Variants in MXI1 observed in about 807,000 individuals in gnomAD.
The protein encoded by MXI1 is max-interacting protein 1.
In MXI1, 18 loss-of-function variants were observed where a neutral mutation model predicts 36.9. The ratio of observed to expected loss-of-function variants is 0.49; its 90% CI spans 0.34 to 0.72. The LOEUF (loss-of-function observed/expected upper bound fraction) is 0.72, where lower values mean the gene tolerates loss of function less well. MXI1 is among the 30% of genes least tolerant of loss of function. MXI1 has a pLI of 0.01. For synonymous variants in MXI1, 160 were observed against 146.7 expected, an observed-to-expected ratio of 1.09 and a Z score of -0.65; for missense variants, 304 against 379.1, an observed-to-expected ratio of 0.80 and a Z score of 1.64.
intron 1 of MXI1, among the ~76,000 whole-genome samples, chr10:110,216,665 G>GTTTTTTTTTTGTTTTTTTT (rs1854645560): frequency 2.4e-4 from 19 of 79,062 alleles, no homozygotes; most frequent in African/African-American, 1.5e-3. Flanking sequence ...TGTGTTTAAT[G>GTTTTTTTTTTGTTTTTTTT]TTTTTTTTTT....
intron 1 of MXI1, chr10:110,226,069 G>T (rs2134345621): frequency 9.7e-7 from 1 of 1,029,436 alleles, no homozygotes; most frequent in Non-Finnish European, 1.2e-6. Flanking sequence ...GGGCGGCGGA[G>T]AGCGCGCCGA....
chr10:110,220,845 C>T (rs1370026521), intron 1 of MXI1, among the ~76,000 whole-genome samples: 4 of 152,210 alleles, frequency 2.6e-5, no homozygotes, highest in Non-Finnish European at 2.9e-5. Context: ...AACAATAACA[C>T]ACCGTGGCTG....
At chr10:110,233,084 T>A (rs928202842) in intron 2 of MXI1, among the ~76,000 whole-genome samples, 1 of 152,164 alleles carries the variant, frequency 6.6e-6, no homozygotes, top group Non-Finnish European at 1.5e-5. Context: ...AATAGCCAAT[T>A]TATGCTTTAA....
At position 110,227,396 on chromosome 10, in the gene MXI1, G is replaced by A. The variant is rs1855086942; in HGVS notation, c.275-793G>A. 4.0e-6 allele frequency: 4 copies of A among 988,266 alleles called. No homozygotes were observed. The South Asian group carries it at 1.8e-4, about 43-fold the overall frequency. The allele number at this position is 988,266 out of a possible 1,614,324, so 61.2% of individuals were successfully genotyped here. On this transcript the variant is annotated intron_variant, in intron 1 of 5. Coordinates refer to ENST00000332674, the MANE Select transcript of MXI1 (RefSeq NM_130439.3). ...GTGAGAGGTCGCGCAGGTGCTGGGG[G>A]AGGTGCGAGGGTGCGCACGGAGGGT...
In MXI1 at chr10:110,211,869, C is replaced by CTGGA. The variant is rs1433713072; in HGVS notation, c.274+3788_274+3789insGGAT. On this transcript the variant is annotated intron_variant, in intron 1 of 5. Transcript: ENST00000332674. ...AATATTAATCATGAAGGCTGTGATC[C>CTGGA]TATTACCACAAATTCAGAAATTATA... Among the ~76,000 whole-genome samples the CTGGA allele has an allele frequency of 5.3e-5, 8 of 152,328 alleles. No individual in the cohort carries two copies. The East Asian group carries it at 1.3e-3, about 26-fold the overall frequency.
chr10:110,282,919 C>A (rs1393955861), intron 5 of MXI1, among the ~76,000 whole-genome samples: 2 of 152,144 alleles, frequency 1.3e-5, no homozygotes, highest in Non-Finnish European at 2.9e-5. Context: ...CTCAAGCAAT[C>A]CTCCTGCCTT....
intron 3 of MXI1, among the ~76,000 whole-genome samples, chr10:110,252,943 C>A (rs1856151502): frequency 6.6e-6 from 1 of 151,974 alleles, no homozygotes; most frequent in Admixed American, 6.6e-5. Context: ...AGGATTTTTA[C>A]CATGCCGGAG....
intron 1 of MXI1, among the ~76,000 whole-genome samples, chr10:110,210,718 G>A (rs902752508): frequency 1.3e-5 from 2 of 152,332 alleles, no homozygotes; most frequent in South Asian, 2.1e-4. Flanking sequence ...CTCGTTTTAT[G>A]GGGGGCGCTT....
At chr10:110,217,462 C>A (rs1854681898) in intron 1 of MXI1, among the ~76,000 whole-genome samples, 1 of 152,092 alleles carries the variant, frequency 6.6e-6, no homozygotes, top group South Asian at 2.1e-4. Context: ...CTGGTGTGGA[C>A]TTTGTTTTTA....
intron 4 of MXI1, among the ~76,000 whole-genome samples, chr10:110,279,548 G>A (rs1488411034): frequency 2.2e-5 from 3 of 137,044 alleles, no homozygotes; most frequent in East Asian, 3.9e-4. Context: ...CTTCATACTC[G>A]GAAGGCAGTT....
At chr10:110,231,258 T>C (rs1183313102) in intron 2 of MXI1, among the ~76,000 whole-genome samples, 2 of 151,976 alleles carry the variant, frequency 1.3e-5, no homozygotes, top group Admixed American at 6.6e-5. Flanking sequence ...TCTCTGCTAC[T>C]TGGGAGGCTG....
intron 3 of MXI1, among the ~76,000 whole-genome samples, chr10:110,265,588 T>C (rs771105911): frequency 2.0e-5 from 3 of 152,200 alleles, no homozygotes; most frequent in Non-Finnish European, 4.4e-5. Flanking sequence ...AAGCACTTAT[T>C]AGACATTGTG....
At chr10:110,258,374 CT>C (rs890796114) in intron 3 of MXI1, among the ~76,000 whole-genome samples, 41 of 152,190 alleles carry the variant, frequency 2.7e-4, no homozygotes, top group Middle Eastern at 3.4e-3. Flanking sequence ...CTGTAGAACA[CT>C]TATGTCTTGG....
At chr10:110,241,632 C>T (rs932645031) in intron 2 of MXI1, among the ~76,000 whole-genome samples, 4 of 151,936 alleles carry the variant, frequency 2.6e-5, no homozygotes, top group African/African-American at 9.7e-5. Context: ...AGTCACCTAT[C>T]TTTTCTTTCA....
At chr10:110,211,261 G>A (rs138351944) in intron 1 of MXI1, among the ~76,000 whole-genome samples, 3 of 152,168 alleles carry the variant, frequency 2.0e-5, no homozygotes, top group Non-Finnish European at 1.5e-5. Context: ...TCTTTCCTCC[G>A]ACTGGACTTG....
chr10:110,256,443 A>G (rs1412001731), intron 3 of MXI1, among the ~76,000 whole-genome samples: 1 of 151,838 alleles, frequency 6.6e-6, no homozygotes, highest in Non-Finnish European at 1.5e-5. Context: ...ATCGCTACTA[A>G]AAATACAAAA....
chr10:110,259,471 A>G (rs1413603041), intron 3 of MXI1, among the ~76,000 whole-genome samples: 1 of 152,106 alleles, frequency 6.6e-6, no homozygotes, highest in Non-Finnish European at 1.5e-5. Flanking sequence ...GAATTTGTCC[A>G]TTGTAAATGC....
intron 4 of MXI1, among the ~76,000 whole-genome samples, 199 bp from the exon 5 acceptor site, chr10:110,279,715 G>A (rs1372566456): frequency 6.6e-6 from 1 of 152,068 alleles, no homozygotes; most frequent in East Asian, 1.9e-4. Flanking sequence ...ACACACAAAA[G>A]TAAAGACAAA....
intron 3 of MXI1, among the ~76,000 whole-genome samples, chr10:110,250,560 G>A (rs1194211866): frequency 6.6e-6 from 1 of 152,090 alleles, no homozygotes; most frequent in Non-Finnish European, 1.5e-5. Flanking sequence ...GCCAGGCATG[G>A]TGGCTCATGC....
Sources: allele counts gnomAD v4.1 joint callset (sites outside exome capture counted in the v4.1 genomes callset), GRCh38; gene constraint gnomAD v4.1.1; transcripts MANE v1.5; gene names NCBI Gene and HGNC (gene_info 2026-07-23, HGNC 2026-07-21).